Variants in TEX9 observed in about 807,000 individuals in gnomAD.
TEX9 encodes the protein testis expressed 9.
A neutral mutation model predicts 59.6 loss-of-function variants in TEX9; 74 were observed. The ratio of observed to expected loss-of-function variants is 1.24; its 90% CI spans 1.03 to 1.51. TEX9 has a LOEUF of 1.51. TEX9 is among the 40% of genes most tolerant of loss of function. The probability of loss-of-function intolerance (pLI) is 0.00; values close to 1 mark genes in which losing one functional copy is unlikely to be tolerated. For missense variants in TEX9, 522 were observed against 447.8 expected, an observed-to-expected ratio of 1.17 and a Z score of -1.49; for synonymous variants, 186 against 152.2, an observed-to-expected ratio of 1.22 and a Z score of -1.64.
intron 12 of TEX9, among the ~76,000 whole-genome samples, chr15:56,432,914 C>A (rs954641701): frequency 6.6e-6 from 1 of 152,118 alleles, no homozygotes; most frequent in Non-Finnish European, 1.5e-5. Flanking sequence ...CTCTTCCTAC[C>A]GATTTTCAAA....
intron 2 of TEX9, among the ~76,000 whole-genome samples, chr15:56,371,945 C>A (rs895679144): frequency 2.0e-5 from 3 of 152,212 alleles, no homozygotes. Flanking sequence ...ACATCAGCTT[C>A]TAGCTTTTAA....
At chr15:56,286,744 T>C (rs1227322741) in intron 1 of TEX9, among the ~76,000 whole-genome samples, 1 of 152,182 alleles carries the variant, frequency 6.6e-6, no homozygotes, top group Non-Finnish European at 1.5e-5. Context: ...AGTTGAAATG[T>C]AGAAAAATAA....
chr15:56,336,315 C>A (rs140947642), intron 1 of TEX9, among the ~76,000 whole-genome samples: 4 of 152,210 alleles, frequency 2.6e-5, no homozygotes, highest in African/African-American at 7.2e-5. Context: ...GAAGGTGGGG[C>A]CTTTGGAAGG....
chr15:56,393,002 G>C (rs1461458805), intron 7 of TEX9, among the ~76,000 whole-genome samples: 1 of 152,154 alleles, frequency 6.6e-6, no homozygotes. Flanking sequence ...TAATTTGGGA[G>C]CACAGATTAC....
chr15:56,382,727 G>A (rs1487121205), intron 3 of TEX9, among the ~76,000 whole-genome samples: 3 of 152,152 alleles, frequency 2.0e-5, no homozygotes, highest in Non-Finnish European at 2.9e-5. Context: ...TTCCATGGCC[G>A]AGGTGGTATC....
chr15:56,265,244 T>A (rs1221710559), intron 1 of TEX9, among the ~76,000 whole-genome samples: 1 of 151,828 alleles, frequency 6.6e-6, no homozygotes, highest in African/African-American at 2.4e-5. Context: ...TAGCTTACTG[T>A]AACCTTGAAC....
chr15:56,446,797 T>G, downstream of TEX9: 2 of 1,414,722 alleles, frequency 1.4e-6, no homozygotes, highest in Non-Finnish European at 2.0e-6. Flanking sequence ...TAATTTTTAT[T>G]TTCTAAATGA....
rs373378517 is a variant in TEX9, at chr15:56,428,472, C to T, written c.*28C>T. 13 of 1,505,228 alleles carry T rather than the reference C, an allele frequency of 8.6e-6. No homozygotes were observed. The African/African-American group carries it at 1.4e-4, about 16-fold the overall frequency. 93.2% of individuals were successfully genotyped at this position (1,505,228 alleles called of 1,614,324 possible). On this transcript the variant is annotated splice_region_variant and 3_prime_UTR_variant, in exon 12 of 13. Transcript: ENST00000352903. Reference sequence around the variant, plus strand: ...GATCTACTTCAGTTAGTCTCTATGACAGTATGTGATGGATACCCATTTTAC... The same window carrying T: ...GATCTACTTCAGTTAGTCTCTATGATAGTATGTGATGGATACCCATTTTAC...
intron 1 of TEX9, among the ~76,000 whole-genome samples, chr15:56,294,115 AC>A (rs751872242): frequency 1.3e-5 from 2 of 152,160 alleles, no homozygotes; most frequent in Non-Finnish European, 2.9e-5. Flanking sequence ...TGGTGCCATG[AC>A]TAGGACCATC....
chr15:56,404,070 G>C (rs28790997), intron 9 of TEX9, among the ~76,000 whole-genome samples: 4,762 of 152,220 alleles, frequency 0.031, 181 homozygotes, highest in East Asian at 0.093. Context: ...ACATAGGCAT[G>C]GGCAAGGACA....
At chr15:56,299,765 C>T (rs1465525483) in intron 1 of TEX9, among the ~76,000 whole-genome samples, 2 of 152,106 alleles carry the variant, frequency 1.3e-5, no homozygotes, top group African/African-American at 2.4e-5. Context: ...TCCAAAATGA[C>T]ATTTCTAGAC....
exon 7 of TEX9, chr15:56,391,396 T>C: frequency 6.4e-7 from 1 of 1,556,960 alleles, no homozygotes; most frequent in East Asian, 2.3e-5. Flanking sequence ...TTTTTTCTGG[T>C]GTTAGTAATG....
chr15:56,325,161 A>G (rs1373771009), intron 1 of TEX9, among the ~76,000 whole-genome samples: 16 of 152,224 alleles, frequency 1.1e-4, no homozygotes, highest in African/African-American at 3.6e-4. Flanking sequence ...ACCACCTTGT[A>G]GAAACACAAA....
At chr15:56,403,633 T>A (rs542273924) in intron 9 of TEX9, among the ~76,000 whole-genome samples, 1 of 152,296 alleles carries the variant, frequency 6.6e-6, no homozygotes, top group East Asian at 1.9e-4. Context: ...AAAAACTACT[T>A]TAAAGTTCAC....
chr15:56,339,412 AAACAGG>A (rs2046330719), intron 1 of TEX9, among the ~76,000 whole-genome samples: 1 of 149,920 alleles, frequency 6.7e-6, no homozygotes, highest in Non-Finnish European at 1.5e-5. Flanking sequence ...AAAAAAAAAA[AAACAGG>A]AGAATAACTT....
chr15:56,409,631 G>T lies in TEX9; in HGVS notation c.829-2671G>T, dbSNP rs562592079. 2.6e-5 allele frequency among the ~76,000 whole-genome samples: 4 copies of T among 152,204 alleles called. No individual in the cohort carries two copies. In the East Asian group the frequency reaches 7.7e-4, roughly 29 times the overall value. On this transcript the variant is annotated intron_variant, in intron 9 of 12. Coordinates refer to ENST00000352903, the Ensembl canonical transcript of TEX9. ...TCCTTCTGCCTCAGCCTTCCAAGCA[G>T]CTGGGACCACATACATATGCCACAA... is the stretch of plus-strand genomic sequence containing the variant.
chr15:56,339,376 CCTT>C lies in TEX9; in HGVS notation c.-106-34062_-106-34060del, dbSNP rs1480084114. On this transcript the variant is annotated intron_variant, in intron 1 of 5. Coordinates refer to the TEX9 transcript ENST00000560827. ...GCAGCCTGGGTGTCAGAGCAAGACT[CCTT>C]CTCCAAAAAAAAAAAAAAAAAAAAA... Among the ~76,000 whole-genome samples the C allele has an allele frequency of 2.5e-4, 11 of 44,398 alleles. No individual in the cohort carries two copies. The East Asian group carries it at 8.3e-3, about 33-fold the overall frequency. 29.1% of individuals were successfully genotyped at this position (44,398 alleles called of 152,430 possible). A position where few individuals can be genotyped will look rare whatever the true frequency, so the allele number is the denominator to read the frequency against.
chr15:56,299,801 C>A (rs2045299655), intron 1 of TEX9, among the ~76,000 whole-genome samples: 1 of 152,096 alleles, frequency 6.6e-6, no homozygotes, highest in African/African-American at 2.4e-5. Flanking sequence ...AGAGAACCTG[C>A]TGCCTCTTCT....
intron 3 of TEX9, among the ~76,000 whole-genome samples, chr15:56,381,142 T>G (rs751281364): frequency 1.1e-4 from 16 of 152,138 alleles, no homozygotes; most frequent in Non-Finnish European, 2.2e-4. Flanking sequence ...AAATAGCATG[T>G]CTTCAAGATT....
Sources: allele counts gnomAD v4.1 joint callset (sites outside exome capture counted in the v4.1 genomes callset), GRCh38; gene constraint gnomAD v4.1.1; transcripts MANE v1.5; gene names NCBI Gene and HGNC (gene_info 2026-07-23, HGNC 2026-07-21).